ZNF521: variants seen among roughly 807,000 people sequenced by gnomAD.
ZNF521 encodes the protein zinc finger protein 521.
Under a neutral mutation model 105.5 loss-of-function variants are expected in ZNF521, and 14 were observed. The observed-to-expected ratio is 0.13, with a 90% CI of 0.09 to 0.21. The LOEUF (loss-of-function observed/expected upper bound fraction) is 0.21, where lower values mean the gene tolerates loss of function less well. Among genes scored for constraint, ZNF521 ranks in the 10% least tolerant of loss-of-function variants. The pLI, the probability that ZNF521 is intolerant of heterozygous loss-of-function variation, is 1.00. For synonymous variants in ZNF521, 635 were observed against 606.0 expected, an observed-to-expected ratio of 1.05 and a Z score of -0.70; for missense variants, 1,233 against 1,629.7, an observed-to-expected ratio of 0.76 and a Z score of 4.19.
intron 7 of ZNF521, among the ~76,000 whole-genome samples, chr18:25,077,040 A>G (rs1194340889): frequency 1.3e-5 from 2 of 152,236 alleles, no homozygotes; most frequent in Non-Finnish European, 2.9e-5. Flanking sequence ...CAGCCCTGTA[A>G]TAAGAGTCAG....
chr18:25,310,903 T>A (rs1489564330), intron 3 of ZNF521, among the ~76,000 whole-genome samples: 2 of 152,222 alleles, frequency 1.3e-5, no homozygotes, highest in Non-Finnish European at 2.9e-5. Flanking sequence ...TAATGTGTGT[T>A]CAAAGAGTTC....
At chr18:25,116,871 GTATA>G (rs55759335) in intron 5 of ZNF521, among the ~76,000 whole-genome samples, 21,466 of 138,568 alleles carry the variant, frequency 0.15, 1,767 homozygotes, top group Middle Eastern at 0.19. Context: ...ATATATATAC[GTATA>G]TATATATATA....
rs765638087 is a variant in ZNF521, at chr18:25,224,756, G to A, written c.3162C>T (p.Thr1054=). 5.6e-6 allele frequency: 9 copies of A among 1,613,956 alleles called. No individual in the cohort carries two copies. The highest frequency in any genetic ancestry group is 1.6e-4 in the Middle Eastern group (1 of 6,062). ...QKTGNGSAVQ[T]TGRGQHVQKL... ...TTTGGACGTGCTGGCCCCGCCCTGT[G>A]GTCTGAACTGCAGACCCATTCCCTG... The change falls in exon 4 of 8, where the codon ACC becomes ACT. Residue 1054 remains threonine (T), a synonymous_variant. Transcript: ENST00000361524.
At chr18:25,062,846 T>C (rs2032943929) in intron 7 of ZNF521, 105 bp from the exon 8 acceptor site, 6 of 1,076,216 alleles carry the variant, frequency 5.6e-6, no homozygotes, top group Middle Eastern at 3.0e-4. Flanking sequence ...CATATATACA[T>C]GTAATTAATT....
intron 3 of ZNF521, among the ~76,000 whole-genome samples, chr18:25,264,899 G>C (rs1241256730): frequency 6.6e-6 from 1 of 152,030 alleles, no homozygotes; most frequent in East Asian, 1.9e-4. Context: ...AGAATACAGA[G>C]AGAGAAACAC....
At chr18:25,069,527 C>T (rs2033161936) in intron 7 of ZNF521, among the ~76,000 whole-genome samples, 1 of 152,162 alleles carries the variant, frequency 6.6e-6, no homozygotes, top group Non-Finnish European at 1.5e-5. Context: ...CCCTACTTTG[C>T]CCACCCCAAA....
chr18:25,171,433 T>G (rs949565402), intron 5 of ZNF521, among the ~76,000 whole-genome samples: 1 of 152,170 alleles, frequency 6.6e-6, no homozygotes, highest in Admixed American at 6.5e-5. Context: ...ATATGTGTTA[T>G]GATTAAAATC....
At position 25,154,124 on chromosome 18, in the gene ZNF521, T is replaced by A. The variant is rs533138426; in HGVS notation, c.3658+41036A>T. Among the ~76,000 whole-genome samples the A allele has an allele frequency of 5.9e-5, 9 of 152,318 alleles. No individual in the cohort carries two copies. The East Asian group carries it at 1.7e-3, about 29-fold the overall frequency. On this transcript the variant is annotated intron_variant, in intron 5 of 7. Transcript: ENST00000361524. The stretch of plus-strand genomic sequence containing the variant: ...CAATTCCATTAGTAAAATGAGGGTA[T>A]CCTGGATGGAAAGAATTGTTGATTT...
chr18:25,143,383 TA>T (rs1236590552), intron 5 of ZNF521, among the ~76,000 whole-genome samples: 1 of 151,920 alleles, frequency 6.6e-6, no homozygotes, highest in East Asian at 1.9e-4. Flanking sequence ...CTTTCAGGAG[TA>T]AAGAGATGAA....
At chr18:25,228,259 T>G (rs1231339127) in intron 3 of ZNF521, among the ~76,000 whole-genome samples, 1 of 152,194 alleles carries the variant, frequency 6.6e-6, no homozygotes, top group African/African-American at 2.4e-5. Flanking sequence ...ACCTTATTGC[T>G]TTCAGCAAAA....
intron 5 of ZNF521, among the ~76,000 whole-genome samples, chr18:25,123,138 CT>C (rs201729321): frequency 0.16 from 23,775 of 151,188 alleles, 1,968 homozygotes; most frequent in Middle Eastern, 0.24. Context: ...TTACAAATGA[CT>C]CATTATATGA....
Position 25,226,954 on chromosome 18 carries a change from C to G in ZNF521, c.964G>C (p.Val322Leu), listed in dbSNP as rs1284099806. Residue 322 changes from valine (V) to leucine (L), a missense_variant, in exon 4 of 8, where the codon GTT becomes CTT. Physicochemically the swap from Val to Leu is conservative, Grantham distance 32 (BLOSUM62 1). Transcript: ENST00000361524. This position sits in a 1 kb window ranked among gnomAD's most constrained non-coding sequence, Gnocchi z 4.1. ...TCCATGTGGCTGTACAGTTCCTCAA[C>G]TGTGTGGAAACTCTCAGAACAAATG... ...CSICSESFHT[V>L]EELYSHMDSH... is the part of the protein sequence containing the mutation. 6.2e-7 allele frequency: 1 copy of G among 1,614,008 alleles called. No individual in the cohort carries two copies.
At chr18:25,241,552 G>GT (rs142503342) in intron 3 of ZNF521, among the ~76,000 whole-genome samples, 2,341 of 152,188 alleles carry the variant, frequency 0.015, 60 homozygotes, top group African/African-American at 0.054. Flanking sequence ...GAATACAAAT[G>GT]TAACAGTTCC....
At chr18:25,075,676 A>T (rs2033343888) in intron 7 of ZNF521, among the ~76,000 whole-genome samples, 1 of 152,230 alleles carries the variant, frequency 6.6e-6, no homozygotes, top group Non-Finnish European at 1.5e-5. Flanking sequence ...AAGTTGTTGA[A>T]AAACTAATGG....
intron 3 of ZNF521, among the ~76,000 whole-genome samples, chr18:25,274,674 G>A (rs1022848160): frequency 2.0e-5 from 3 of 152,198 alleles, no homozygotes; most frequent in African/African-American, 4.8e-5. Flanking sequence ...TTGTGGGCAG[G>A]TACTTTGGAA....
At chr18:25,264,889 A>C (rs903564943) in intron 3 of ZNF521, among the ~76,000 whole-genome samples, 1 of 152,184 alleles carries the variant, frequency 6.6e-6, no homozygotes, top group Admixed American at 6.5e-5. Flanking sequence ...GAAAAGGAAA[A>C]GAATACAGAG....
rs115243008 is a variant in ZNF521 at position 25,182,043 on chromosome 18, T to C, written c.3658+13117A>G. 6.2e-3 allele frequency among the ~76,000 whole-genome samples: 942 copies of C among 152,250 alleles called. 5 individuals carry two copies. Among genetic ancestry groups the C allele is most frequent in the African/African-American group, 0.021 (885 of 41,540 alleles). On this transcript the variant is annotated intron_variant, in intron 5 of 7. Transcript: ENST00000361524. ...GATACAGTTACCTCTTATTTATTTATTTATTATTATTATATTTTGCATTTT... is the reference window on the plus strand; with the variant it reads ...GATACAGTTACCTCTTATTTATTTACTTATTATTATTATATTTTGCATTTT...
chr18:25,333,193 AAATC>A (rs1325977319), intron 2 of ZNF521, among the ~76,000 whole-genome samples: 2 of 151,780 alleles, frequency 1.3e-5, no homozygotes, highest in African/African-American at 4.8e-5. Context: ...AATATCAACG[AAATC>A]AATCACACAT....
intron 1 of ZNF521, chr18:25,351,377 G>A (rs778659445): frequency 2.0e-5 from 3 of 148,700 alleles, no homozygotes; most frequent in Admixed American, 6.7e-5. Context: ...TAGTTCATGC[G>A]AATAGAAAAA....
Sources: allele counts gnomAD v4.1 joint callset (sites outside exome capture counted in the v4.1 genomes callset), GRCh38; gene constraint gnomAD v4.1.1; non-coding constraint Gnocchi (gnomAD v3.1); transcripts MANE v1.5; gene names NCBI Gene and HGNC (gene_info 2026-07-23, HGNC 2026-07-21).